AP3S1: variants seen among roughly 807,000 people sequenced by gnomAD.
AP3S1 encodes AP-3 complex subunit sigma-1.
AP3S1 carries 12 observed loss-of-function variants against 21.3 expected under a neutral mutation model. That is an observed-to-expected ratio of 0.56 (90% confidence interval 0.36 to 0.91). The LOEUF (loss-of-function observed/expected upper bound fraction) is 0.91, where lower values mean the gene tolerates loss of function less well. Among genes scored for constraint, AP3S1 ranks in the 40% least tolerant of loss-of-function variants. The pLI is 0.01. For synonymous variants in AP3S1, 48 were observed against 78.4 expected (o/e 0.61, Z 2.05); for missense variants, 116 against 225.0 (o/e 0.52, Z 3.10).
At chr5:115,891,179 C>G (rs1204015792) in intron 3 of AP3S1, among the ~76,000 whole-genome samples, 3 of 152,072 alleles carry the variant, frequency 2.0e-5, no homozygotes, top group African/African-American at 7.2e-5. Flanking sequence ...TTTTTACCTA[C>G]CAAAAAATTA....
intron 3 of AP3S1, among the ~76,000 whole-genome samples, chr5:115,877,573 G>T (rs1019940594): frequency 5.3e-5 from 8 of 152,268 alleles, no homozygotes; most frequent in African/African-American, 1.9e-4. Flanking sequence ...GTGTATGTGT[G>T]CCACATTTTC....
At chr5:115,886,586 G>A (rs908593289) in intron 3 of AP3S1, among the ~76,000 whole-genome samples, 3 of 152,024 alleles carry the variant, frequency 2.0e-5, no homozygotes, top group Admixed American at 6.6e-5. Flanking sequence ...TGTACTAGTC[G>A]ACTGTTTATG....
chr5:115,887,453 AT>A (rs553443032), intron 3 of AP3S1, among the ~76,000 whole-genome samples: 16 of 147,464 alleles, frequency 1.1e-4, no homozygotes, highest in Admixed American at 2.0e-4. Context: ...CCAGAAACCA[AT>A]TTTTTTTTTT....
chr5:115,908,971 T>C (rs895231155), intron 5 of AP3S1: 1 of 984,450 alleles, frequency 1.0e-6, no homozygotes, highest in Non-Finnish European at 1.2e-6. Context: ...TCTTTCACTT[T>C]GCTGTTAGGT....
chr5:115,871,290 T>A (rs184467576), intron 3 of AP3S1, among the ~76,000 whole-genome samples: 1 of 152,316 alleles, frequency 6.6e-6, no homozygotes, highest in East Asian at 1.9e-4. Flanking sequence ...AGATTTTGGT[T>A]CTTGGTTCCC....
At chr5:115,881,835 C>T (rs780023198) in intron 3 of AP3S1, among the ~76,000 whole-genome samples, 5 of 152,132 alleles carry the variant, frequency 3.3e-5, no homozygotes, top group African/African-American at 7.2e-5. Flanking sequence ...TTCAGGTACA[C>T]CAATCAAACA....
At chr5:115,852,956 AC>A in intron 1 of AP3S1, 1 of 445,850 alleles carries the variant, frequency 2.2e-6, no homozygotes, top group Non-Finnish European at 4.5e-6. Context: ...TTTTTCTGTG[AC>A]CATATATTCT....
chr5:115,909,278 A>G (rs1371095678), intron 5 of AP3S1, among the ~76,000 whole-genome samples: 6 of 152,172 alleles, frequency 3.9e-5, no homozygotes, highest in Non-Finnish European at 1.5e-5. Context: ...TTGCTTGCAC[A>G]TATTTTGTTT....
intron 1 of AP3S1, among the ~76,000 whole-genome samples, chr5:115,844,806 T>A (rs1353421751): frequency 6.6e-6 from 1 of 152,212 alleles, no homozygotes. Flanking sequence ...TTTTCATCTT[T>A]GTTATGACAC....
At chr5:115,880,965 C>G (rs1230026224) in intron 3 of AP3S1, among the ~76,000 whole-genome samples, 1 of 151,708 alleles carries the variant, frequency 6.6e-6, no homozygotes, top group Non-Finnish European at 1.5e-5. Context: ...CCTTCTTTGT[C>G]TTTTTTGATC....
At chr5:115,903,206 A>G (rs1268715450) in intron 5 of AP3S1, 2 of 379,850 alleles carry the variant, frequency 5.3e-6, no homozygotes, top group East Asian at 5.6e-5. Flanking sequence ...TTTTAGCCAC[A>G]GTCATAGCTG....
At chr5:115,867,285 T>G (rs1008825669) in intron 2 of AP3S1, among the ~76,000 whole-genome samples, 2 of 152,158 alleles carry the variant, frequency 1.3e-5, no homozygotes, top group African/African-American at 4.8e-5. Context: ...GTATTCCTTT[T>G]TGTGAATGTT....
intron 5 of AP3S1, among the ~76,000 whole-genome samples, chr5:115,907,698 A>C (rs1016162363): frequency 3.3e-5 from 5 of 152,172 alleles, no homozygotes; most frequent in African/African-American, 1.2e-4. Context: ...ATATTTTTGC[A>C]AAGCGTATTG....
At chr5:115,899,570 G>A (rs1049129389) in intron 4 of AP3S1, among the ~76,000 whole-genome samples, 1 of 152,196 alleles carries the variant, frequency 6.6e-6, no homozygotes, top group African/African-American at 2.4e-5. Context: ...TTACAGGTGT[G>A]AGCCACCACC....
intron 1 of AP3S1, among the ~76,000 whole-genome samples, chr5:115,857,669 C>T (rs147805322): frequency 5.3e-5 from 8 of 152,278 alleles, no homozygotes; most frequent in African/African-American, 1.4e-4. Context: ...TGTTTATGTA[C>T]GTGTCTAAAT....
intron 1 of AP3S1, among the ~76,000 whole-genome samples, chr5:115,854,522 GAA>G (rs1762660938): frequency 6.6e-6 from 1 of 152,150 alleles, no homozygotes. Flanking sequence ...CACTCTGGCT[GAA>G]GTTAGGCCTG....
intron 5 of AP3S1, among the ~76,000 whole-genome samples, chr5:115,907,569 T>TACCAAATC (rs1751756147): frequency 6.6e-6 from 1 of 152,142 alleles, no homozygotes; most frequent in Non-Finnish European, 1.5e-5. Flanking sequence ...ATTACCAAAT[T>TACCAAATC]ACCAAATCAC....
intron 3 of AP3S1, among the ~76,000 whole-genome samples, chr5:115,880,329 G>A (rs182384704): frequency 8.3e-4 from 126 of 152,262 alleles, no homozygotes; most frequent in Middle Eastern, 3.4e-3. Flanking sequence ...TTCTCCTGTG[G>A]AGATTTTAGT....
At chr5:115,882,286 G>A (rs1468645498) in intron 3 of AP3S1, among the ~76,000 whole-genome samples, 1 of 151,608 alleles carries the variant, frequency 6.6e-6, no homozygotes, top group Non-Finnish European at 1.5e-5. Flanking sequence ...AGGCAGTCTG[G>A]CTTTTGGAAT....
Sources: allele counts gnomAD v4.1 joint callset (sites outside exome capture counted in the v4.1 genomes callset), GRCh38; gene constraint gnomAD v4.1.1; transcripts MANE v1.5; gene names NCBI Gene and HGNC (gene_info 2026-07-23, HGNC 2026-07-21).